The following IFNGR2 variants were observed in gnomAD, a reference collection of about 807,000 sequenced individuals.
IFNGR2 encodes the protein interferon gamma receptor 2, also known as IFN-gamma receptor 2.
IFNGR2 carries 15 observed loss-of-function variants against 41.1 expected under a neutral mutation model. That is an observed-to-expected ratio of 0.37 (90% confidence interval 0.24 to 0.56). The LOEUF (loss-of-function observed/expected upper bound fraction) is 0.56. Ranked by LOEUF, IFNGR2 falls within the 20% of genes least tolerant of loss-of-function variation. The probability of loss-of-function intolerance (pLI) is 0.81; values close to 1 mark genes in which losing one functional copy is unlikely to be tolerated. For missense variants in IFNGR2, 362 were observed against 415.7 expected (o/e 0.87, Z 1.12); for synonymous variants, 161 against 171.6 (o/e 0.94, Z 0.48).
chr21:33,429,020 A>T (rs1272267413), intron 4 of IFNGR2, among the ~76,000 whole-genome samples: 5 of 152,160 alleles, frequency 3.3e-5, no homozygotes, highest in African/African-American at 7.2e-5. Context: ...GAGCACACAG[A>T]ACAGGCTTCC....
intron 1 of IFNGR2, among the ~76,000 whole-genome samples, chr21:33,406,796 C>T (rs1023356910): frequency 4.6e-5 from 7 of 151,778 alleles, no homozygotes; most frequent in Admixed American, 3.3e-4. Context: ...TACACGTGCA[C>T]GCCATCATAC....
At chr21:33,429,323 G>C (rs1448999158) in intron 4 of IFNGR2, among the ~76,000 whole-genome samples, 1 of 140,012 alleles carries the variant, frequency 7.1e-6, no homozygotes, top group African/African-American at 2.7e-5. Context: ...GGACTCCCAG[G>C]ACTCAGCACA....
Position 33,432,272 on chromosome 21 carries a change from C to T in IFNGR2, c.657C>T (p.Asn219=). The T allele has an allele frequency of 6.2e-7, 1 of 1,614,052 alleles. No individual in the cohort carries two copies. Among genetic ancestry groups the T allele is most frequent in the Non-Finnish European group, 8.5e-7 (1 of 1,179,888 alleles). Residue 219 remains asparagine (N), a synonymous_variant, in exon 5 of 7, where the codon AAC becomes AAT. Coordinates refer to ENST00000290219, the MANE Select transcript of IFNGR2 (RefSeq NM_005534.4). The part of the protein sequence containing the change: ...CLQVQAQLLW[N]KSNIFRVGHL... Reference sequence around the variant, plus strand: ...AAGTCCAGGCACAACTGCTTTGGAACAAAAGTAACATCTTTAGAGTCGGGC... The same window carrying T: ...AAGTCCAGGCACAACTGCTTTGGAATAAAAGTAACATCTTTAGAGTCGGGC...
chr21:33,436,211 A>T (rs997742481), intron 6 of IFNGR2, among the ~76,000 whole-genome samples: 4 of 148,048 alleles, frequency 2.7e-5, no homozygotes, highest in Non-Finnish European at 6.0e-5. Context: ...CAAAATTAGC[A>T]GGGTGTGGTG....
chr21:33,432,667 T>C, intron 5 of IFNGR2, 47 bp from the exon 6 acceptor site: 1 of 1,600,036 alleles, frequency 6.2e-7, no homozygotes, highest in South Asian at 1.1e-5. Flanking sequence ...GATGTTTGTG[T>C]TGTGCGTAGG....
At chr21:33,405,164 AAC>A (rs1479303095) in intron 1 of IFNGR2, among the ~76,000 whole-genome samples, 3 of 152,096 alleles carry the variant, frequency 2.0e-5, no homozygotes, top group Non-Finnish European at 4.4e-5. Flanking sequence ...GTGTGGCTAG[AAC>A]ATTCTTGTGT....
At chr21:33,421,726 G>A (rs1442942111) in intron 3 of IFNGR2, 41 bp downstream of exon 3, 1 of 1,517,068 alleles carries the variant, frequency 6.6e-7, no homozygotes, top group Non-Finnish European at 9.2e-7. Flanking sequence ...ATACTTTCCA[G>A]GTTTTCTTCA....
chr21:33,430,753 T>C (rs1412408622), intron 4 of IFNGR2, among the ~76,000 whole-genome samples: 1 of 152,166 alleles, frequency 6.6e-6, no homozygotes, highest in Non-Finnish European at 1.5e-5. Flanking sequence ...ATGCCTGGCC[T>C]ATTTTTGTAT....
intron 1 of IFNGR2, among the ~76,000 whole-genome samples, chr21:33,404,586 G>A (rs1032751959): frequency 1.3e-5 from 2 of 152,028 alleles, no homozygotes; most frequent in African/African-American, 2.4e-5. Context: ...TATTGGCCAC[G>A]CCTGGCCAAT....
At chr21:33,416,980 G>A (rs1021358920) in intron 2 of IFNGR2, among the ~76,000 whole-genome samples, 1 of 149,110 alleles carries the variant, frequency 6.7e-6, no homozygotes, top group Admixed American at 6.7e-5. Context: ...AAATGCAGTG[G>A]CACGATCTTG....
chr21:33,427,065 C>A, intron 4 of IFNGR2, 33 bp downstream of exon 4: 8 of 1,591,236 alleles, frequency 5.0e-6, no homozygotes, highest in Non-Finnish European at 6.0e-6. Context: ...TTTGGATTTT[C>A]TTTTCTTTGC....
At chr21:33,410,674 G>T (rs1019374541) in intron 1 of IFNGR2, among the ~76,000 whole-genome samples, 1 of 151,924 alleles carries the variant, frequency 6.6e-6, no homozygotes, top group Non-Finnish European at 1.5e-5. Context: ...CACCATGTTG[G>T]CCAGGCTGGT....
rs372109363 is a variant in IFNGR2 at position 33,432,886 on chromosome 21, A to T, written c.879+15A>T. ...AGATAGAAGAGGTACGTGTGCACAC[A>T]TCTCTTTTTTTTTTTTTGAGACAGG... is the stretch of plus-strand genomic sequence containing the variant. On this transcript the variant is annotated intron_variant, in intron 6 of 6. Coordinates refer to ENST00000290219, the MANE Select transcript of IFNGR2 (RefSeq NM_005534.4). The T allele has an allele frequency of 6.5e-7, 1 of 1,528,978 alleles. No individual in the cohort carries two copies. Among genetic ancestry groups the T allele is most frequent in the South Asian group, 1.2e-5 (1 of 86,280 alleles). The allele number at this position is 1,528,978 out of a possible 1,614,324, so 94.7% of individuals were successfully genotyped here.
At chr21:33,413,242 T>G (rs1005022463) in intron 1 of IFNGR2, among the ~76,000 whole-genome samples, 43 of 152,164 alleles carry the variant, frequency 2.8e-4, no homozygotes, top group Non-Finnish European at 4.3e-4. Flanking sequence ...GCACACCTGG[T>G]GGGCCTGCCT....
intron 4 of IFNGR2, among the ~76,000 whole-genome samples, chr21:33,430,982 A>G (rs906141432): frequency 2.6e-5 from 4 of 152,178 alleles, no homozygotes; most frequent in African/African-American, 9.7e-5. Flanking sequence ...GGTATGGGAC[A>G]ATGACAGCCT....
chr21:33,419,711 T>G (rs1259412025), intron 2 of IFNGR2, among the ~76,000 whole-genome samples: 5 of 152,194 alleles, frequency 3.3e-5, no homozygotes, highest in Non-Finnish European at 7.3e-5. Flanking sequence ...GAATCATATC[T>G]GGTTATTTTC....
chr21:33,420,254 C>T (rs1051482702), intron 2 of IFNGR2, among the ~76,000 whole-genome samples: 1 of 152,168 alleles, frequency 6.6e-6, no homozygotes, highest in African/African-American at 2.4e-5. Flanking sequence ...TCTCCAGTCT[C>T]GTCTCCTGTC....
In IFNGR2 at chr21:33,437,126, C is replaced by CT. The variant is rs756768721; in HGVS notation, c.*177dup. The CT allele has an allele frequency of 0.11, 50,050 of 467,558 alleles. 2 individuals are homozygous for CT. Among genetic ancestry groups the CT allele is most frequent in the East Asian group, 0.15 (3,988 of 27,072 alleles). The allele number at this position is 467,558 out of a possible 1,614,324, so 29.0% of individuals were successfully genotyped here. A position where few individuals can be genotyped will look rare whatever the true frequency, so the allele number is the denominator to read the frequency against. ...CAGCAGGTCTCATGGGGGTGACAAG[C>CT]TTTTTTTTTTTTTCTTAAAGAATTT... On this transcript the variant is annotated 3_prime_UTR_variant, in exon 7 of 7. Transcript: ENST00000290219.
intron 3 of IFNGR2, among the ~76,000 whole-genome samples, 179 bp from the exon 4 acceptor site, chr21:33,426,705 G>C (rs2083838860): frequency 6.6e-6 from 1 of 151,386 alleles, no homozygotes; most frequent in Admixed American, 6.6e-5. Context: ...GGGCGACAGA[G>C]CAAAACTGTC....
Sources: gnomAD v4.1 joint callset for allele counts (sites outside exome capture counted in the v4.1 genomes callset) on GRCh38, gnomAD v4.1.1 for gene constraint, MANE v1.5 for transcripts, NCBI Gene and HGNC (gene_info 2026-07-23, HGNC 2026-07-21) for gene names.